RBFOX1: variants seen among roughly 807,000 people sequenced by gnomAD.
RBFOX1 encodes the protein RNA binding protein fox-1 homolog 1.
Under a neutral mutation model 57.7 loss-of-function variants are expected in RBFOX1, and 8 were observed. The observed-to-expected ratio is 0.14, with a 90% confidence interval of 0.08 to 0.25. The LOEUF (loss-of-function observed/expected upper bound fraction) is 0.25, where lower values mean the gene tolerates loss of function less well. Ranked by LOEUF, RBFOX1 falls within the 10% of genes least tolerant of loss-of-function variation. The pLI is 1.00. For missense variants in RBFOX1, 611 were observed against 548.5 expected (o/e 1.11, Z -1.14); for synonymous variants, 326 against 222.4 (o/e 1.47, Z -4.15).
chr16:5,510,730 G>C (rs914596426), intron 2 of RBFOX1, among the ~76,000 whole-genome samples: 1 of 152,126 alleles, frequency 6.6e-6, no homozygotes, highest in South Asian at 2.1e-4. Flanking sequence ...TAAAACTCAG[G>C]TGTATCAGCC....
chr16:7,217,384 C>T (rs1482475596), intron 4 of RBFOX1, among the ~76,000 whole-genome samples: 1 of 145,798 alleles, frequency 6.9e-6, no homozygotes, highest in African/African-American at 2.5e-5. Flanking sequence ...CCACCTTGGC[C>T]TCCCAAAGTG....
intron 4 of RBFOX1, among the ~76,000 whole-genome samples, chr16:5,937,436 ATTT>A (rs2059189385): frequency 6.6e-6 from 1 of 152,100 alleles, no homozygotes; most frequent in Non-Finnish European, 1.5e-5. Flanking sequence ...ACACACGTTT[ATTT>A]CTGTTTGGGA....
intron 4 of RBFOX1, among the ~76,000 whole-genome samples, chr16:7,067,816 G>T (rs2153766858): frequency 6.6e-6 from 1 of 151,646 alleles, no homozygotes; most frequent in African/African-American, 2.4e-5. Context: ...ATAGTTTACT[G>T]AGAATGATGA....
intron 4 of RBFOX1, among the ~76,000 whole-genome samples, chr16:7,344,887 C>G (rs947265752): frequency 3.3e-5 from 5 of 152,172 alleles, no homozygotes; most frequent in African/African-American, 1.2e-4. Flanking sequence ...ACAACCGACT[C>G]TGAGCAGAAG....
In RBFOX1 at chr16:5,283,418, A is replaced by T. The variant is rs1304108080; in HGVS notation, c.219+43313A>T. ...CTGACAGCTTGTACTGTGTGCCTGG[A>T]AAAGCTGCAAACACTCAATGCCAAC... On this transcript the variant is annotated intron_variant, in intron 1 of 2. Transcript: ENST00000585867. Among the ~76,000 whole-genome samples the T allele has an allele frequency of 2.6e-5, 4 of 152,120 alleles. No individual in the cohort carries two copies. In the East Asian group the frequency reaches 7.7e-4, roughly 29 times the overall value.
chr16:7,080,708 T>G (rs1055524421), intron 4 of RBFOX1, among the ~76,000 whole-genome samples: 1 of 152,170 alleles, frequency 6.6e-6, no homozygotes, highest in African/African-American at 2.4e-5. Context: ...TGTTAGGGTA[T>G]GCTTCCCATC....
chr16:7,552,201 T>C (rs2086763314), intron 5 of RBFOX1, among the ~76,000 whole-genome samples: 1 of 152,220 alleles, frequency 6.6e-6, no homozygotes, highest in African/African-American at 2.4e-5. Flanking sequence ...TGATTTCTCT[T>C]TCCTTGTACT....
At chr16:6,899,289 A>G (rs754062541) in intron 3 of RBFOX1, among the ~76,000 whole-genome samples, 1 of 151,956 alleles carries the variant, frequency 6.6e-6, no homozygotes, top group East Asian at 1.9e-4. Context: ...TGTGTGTATA[A>G]TACATATGTG....
At chr16:5,424,978 CT>C (rs879313432) in intron 1 of RBFOX1, among the ~76,000 whole-genome samples, 5,183 of 36,120 alleles carry the variant, frequency 0.14, 590 homozygotes, top group African/African-American at 0.38. Flanking sequence ...TTCTTTCTTT[CT>C]TTTCTTTTCT....
chr16:6,078,940 G>A (rs1478612199), intron 1 of RBFOX1, among the ~76,000 whole-genome samples: 1 of 152,168 alleles, frequency 6.6e-6, no homozygotes, highest in African/African-American at 2.4e-5. Context: ...CCCAGTTCAT[G>A]ATTTAATTTA....
intron 1 of RBFOX1, among the ~76,000 whole-genome samples, chr16:6,142,454 C>T (rs1038770743): frequency 6.6e-5 from 10 of 151,984 alleles, no homozygotes; most frequent in African/African-American, 1.9e-4. Flanking sequence ...ATCTCCTGAC[C>T]TTGTGATTCG....
chr16:7,202,760 C>T (rs1034830187), intron 4 of RBFOX1, among the ~76,000 whole-genome samples: 2 of 152,158 alleles, frequency 1.3e-5, no homozygotes, highest in African/African-American at 4.8e-5. Flanking sequence ...GCCTGATGAT[C>T]TGAAGTGGGA....
intron 2 of RBFOX1, among the ~76,000 whole-genome samples, chr16:6,641,272 G>A (rs2098485310): frequency 6.6e-6 from 1 of 152,114 alleles, no homozygotes; most frequent in South Asian, 2.1e-4. Context: ...GACGTCAGAG[G>A]AATTTCAAGG....
intron 14 of RBFOX1, among the ~76,000 whole-genome samples, chr16:7,695,418 C>G (rs2078482601): frequency 6.6e-6 from 1 of 152,048 alleles, no homozygotes; most frequent in African/African-American, 2.4e-5. Context: ...CTTTGGGAGG[C>G]CAAGGTGGGT....
intron 2 of RBFOX1, among the ~76,000 whole-genome samples, chr16:5,498,991 C>T (rs949762308): frequency 5.3e-5 from 8 of 152,134 alleles, no homozygotes; most frequent in Non-Finnish European, 8.8e-5. Context: ...GATTCTAGAA[C>T]CCCAGCCTCT....
chr16:7,046,185 G>C (rs891285488), intron 3 of RBFOX1, among the ~76,000 whole-genome samples: 3 of 151,906 alleles, frequency 2.0e-5, no homozygotes, highest in African/African-American at 7.3e-5. Context: ...CATGTAGACA[G>C]GTGTTCCATT....
intron 1 of RBFOX1, among the ~76,000 whole-genome samples, chr16:6,201,559 T>C (rs748664812): frequency 3.9e-5 from 6 of 152,090 alleles, no homozygotes; most frequent in African/African-American, 1.2e-4. Flanking sequence ...GGTTAATGGG[T>C]GTAAAAATAC....
chr16:5,454,930 C>T (rs9927486), intron 1 of RBFOX1, among the ~76,000 whole-genome samples: 3,498 of 41,396 alleles, frequency 0.085, 138 homozygotes, highest in East Asian at 0.12. Context: ...TTTCTTTCTT[C>T]CTTCCTTCCT....
At chr16:5,885,557 G>A (rs1045815140) in intron 4 of RBFOX1, among the ~76,000 whole-genome samples, 8 of 152,154 alleles carry the variant, frequency 5.3e-5, no homozygotes, top group Admixed American at 5.2e-4. Context: ...CTTCCTCAAA[G>A]TGATGGGTAA....
Sources: gnomAD v4.1 joint callset for allele counts (sites outside exome capture counted in the v4.1 genomes callset) on GRCh38, gnomAD v4.1.1 for gene constraint, MANE v1.5 for transcripts, NCBI Gene and HGNC (gene_info 2026-07-23, HGNC 2026-07-21) for gene names.